TRMT61B: variants seen among roughly 807,000 people sequenced by gnomAD.
TRMT61B encodes the protein tRNA (adenine(58)-N(1))-methyltransferase, mitochondrial.
In TRMT61B, 56 loss-of-function variants were observed where a neutral mutation model predicts 52.0. That is an observed-to-expected ratio of 1.08 (90% CI 0.87 to 1.35). The LOEUF (loss-of-function observed/expected upper bound fraction) is 1.35, where lower values mean the gene tolerates loss of function less well. Among genes scored for constraint, TRMT61B ranks in the 40% most tolerant of loss-of-function variants. TRMT61B has a pLI of 0.00. For synonymous variants in TRMT61B, 206 were observed against 220.0 expected, an observed-to-expected ratio of 0.94 and a Z score of 0.56; for missense variants, 650 against 577.9, an observed-to-expected ratio of 1.12 and a Z score of -1.28.
chr2:28,850,304 A>G lies in TRMT61B; in HGVS notation c.1390+24T>C, dbSNP rs559818633. 3 of 1,603,870 alleles carry G rather than the reference A, an allele frequency of 1.9e-6. No homozygotes were observed. In the South Asian group the frequency reaches 3.3e-5, roughly 18 times the overall value. On this transcript the variant is annotated intron_variant, in intron 6 of 6. Coordinates refer to ENST00000306108, the MANE Select transcript of TRMT61B (RefSeq NM_017910.4). ...TAATTAAAAGAAAAAACACCATTTAATATGTTCTGAAAACATTACTCACCT... is the reference window on the plus strand; with the variant it reads ...TAATTAAAAGAAAAAACACCATTTAGTATGTTCTGAAAACATTACTCACCT...
At chr2:28,860,029 T>C (rs1669530306) in intron 3 of TRMT61B, among the ~76,000 whole-genome samples, 1 of 151,954 alleles carries the variant, frequency 6.6e-6, no homozygotes, top group Admixed American at 6.6e-5. Context: ...CCCAGCACTT[T>C]GGGAGACTGA....
chr2:28,861,048 C>G, intron 3 of TRMT61B, 70 bp downstream of exon 3: 2 of 1,335,166 alleles, frequency 1.5e-6, no homozygotes, highest in Non-Finnish European at 2.0e-6. Context: ...TTTGCCCATA[C>G]AAAAGAAGCC....
rs796665975 is a variant in TRMT61B at position 28,863,273 on chromosome 2, C to CG, written c.802+1743_802+1744insC. On this transcript the variant is annotated intron_variant, in intron 2 of 6. Transcript: ENST00000306108. ...CAGTGAGACCCAGTCTCTACAAAAA[C>CG]TTTAAAAATTAGCCAGCTTTGGTGG... 2.6e-5 allele frequency among the ~76,000 whole-genome samples: 4 copies of CG among 151,910 alleles called. No homozygotes were observed. The South Asian group carries it at 8.3e-4, about 32-fold the overall frequency.
chr2:28,861,112 A>G lies in TRMT61B; in HGVS notation c.993+6T>C. ...AATAACACAGGACCCACGTTAGAAAACTTACTGCGTCAAATGTTAAAGATT... is the reference window on the plus strand; with the variant it reads ...AATAACACAGGACCCACGTTAGAAAGCTTACTGCGTCAAATGTTAAAGATT... On this transcript the variant is annotated splice_donor_region_variant and intron_variant, in intron 3 of 6. Transcript: ENST00000306108. 6.3e-7 allele frequency: 1 copy of G among 1,590,180 alleles called. No homozygotes were observed. The highest frequency in any genetic ancestry group is 1.2e-5 in the South Asian group (1 of 86,428).
Position 28,866,301 on chromosome 2 carries a change from C to A in TRMT61B, c.700-1182G>T, listed in dbSNP as rs147106887. 4.1e-3 allele frequency among the ~76,000 whole-genome samples: 625 copies of A among 152,218 alleles called. 6 individuals are homozygous for A. The highest frequency in any genetic ancestry group is 0.014 in the African/African-American group (592 of 41,530). ...CCAACGTGCCTGGCCAAATGATGAA[C>A]TTCTAATTTAGAATTAAGATACTAT... On this transcript the variant is annotated intron_variant, in intron 1 of 6. Transcript: ENST00000306108.
intron 2 of TRMT61B, among the ~76,000 whole-genome samples, chr2:28,862,583 T>C (rs918386961): frequency 6.6e-6 from 1 of 151,656 alleles, no homozygotes; most frequent in African/African-American, 2.4e-5. Flanking sequence ...TCTGCCTGCC[T>C]CGGCCTCCCA....
intron 5 of TRMT61B, chr2:28,850,669 ATG>A: frequency 2.7e-6 from 1 of 374,678 alleles, no homozygotes; most frequent in Non-Finnish European, 4.7e-6. Flanking sequence ...GGCCTAAATA[ATG>A]TGTATATATG....
At chr2:28,852,589 G>A (rs1322773855) in intron 3 of TRMT61B, 90 bp from the exon 4 acceptor site, 3 of 804,192 alleles carry the variant, frequency 3.7e-6, no homozygotes, top group Non-Finnish European at 6.1e-6. Context: ...CACACTTTTG[G>A]ACAGCAATCA....
At position 28,870,244 on chromosome 2, in the gene TRMT61B, G is replaced by A. The variant is rs780085665; in HGVS notation, c.34C>T (p.Leu12=). Reference sequence around the variant, plus strand: ...GTTCCGAGCCCCTGCCGCAGGCACAGCAAGACAGGACCGCGGCACCATGCC... The same window carrying A: ...GTTCCGAGCCCCTGCCGCAGGCACAACAAGACAGGACCGCGGCACCATGCC... The part of the protein sequence containing the change: ...LMAWCRGPVL[L]CLRQGLGTNS... Residue 12 remains leucine (L), a synonymous_variant, in exon 1 of 7, where the codon CTG becomes TTG. Coordinates refer to ENST00000306108, the MANE Select transcript of TRMT61B (RefSeq NM_017910.4). 2.5e-6 allele frequency: 4 copies of A among 1,606,722 alleles called. No homozygotes were observed. Among genetic ancestry groups the A allele is most frequent in the Admixed American group, 1.7e-5 (1 of 59,042 alleles).
Position 28,869,699 on chromosome 2 carries a change from C to T in TRMT61B, c.579G>A (p.Val193=). 1.2e-6 allele frequency: 2 copies of T among 1,614,190 alleles called. No individual in the cohort carries two copies. The highest frequency in any genetic ancestry group is 8.5e-7 in the Non-Finnish European group (1 of 1,180,026). The change falls in exon 1 of 7, where the codon GTG becomes GTA. Residue 193 remains valine, a synonymous_variant. Coordinates refer to ENST00000306108, the MANE Select transcript of TRMT61B (RefSeq NM_017910.4). Reference sequence around the variant, plus strand: ...TCAGTATCTGGCCGGGGAACTTCCCCACGATCTTGCCGAACGGGACTGCCC... The same window carrying T: ...TCAGTATCTGGCCGGGGAACTTCCCTACGATCTTGCCGAACGGGACTGCCC... ...NWGAVPFGKI[V]GKFPGQILRS...
chr2:28,868,824 G>A (rs1669957631), intron 1 of TRMT61B, among the ~76,000 whole-genome samples: 1 of 152,204 alleles, frequency 6.6e-6, no homozygotes, highest in African/African-American at 2.4e-5. Context: ...ACCAGCCTGG[G>A]CAATAAGGCG....
At chr2:28,852,594 C>T in intron 3 of TRMT61B, 95 bp from the exon 4 acceptor site, 1 of 757,260 alleles carries the variant, frequency 1.3e-6, no homozygotes, top group Non-Finnish European at 2.2e-6. Flanking sequence ...TTTTGGACAG[C>T]AATCAAAGTA....
chr2:28,851,085 T>C lies in TRMT61B; in HGVS notation c.1299A>G (p.Gln433=), dbSNP rs1171098929. 1.2e-6 allele frequency: 2 copies of C among 1,605,272 alleles called. No homozygotes were observed. Among genetic ancestry groups the C allele is most frequent in the Non-Finnish European group, 1.7e-6 (2 of 1,176,682 alleles). ...ACTGAAGCTCACCATGGTCATCCTC[T>C]TGAAACAGCTCACCTTTAACTCCAA... ...EKIGVKGELF[Q]EDDHEESHSD... is the part of the protein sequence containing the mutation. Residue 433 remains glutamine (Q), a synonymous_variant, in exon 5 of 7, where the codon CAA becomes CAG. Transcript: ENST00000306108.
rs137955686 is a variant in TRMT61B, at chr2:28,853,601, C to T, written c.994-1102G>A. ...CCTATAATCCCAGCACTTTGGGAGC[C>T]CAGGCGGGTGGATCACCTGAGGTCA... is the stretch of plus-strand genomic sequence containing the variant. On this transcript the variant is annotated intron_variant, in intron 3 of 6. Coordinates refer to ENST00000306108, the MANE Select transcript of TRMT61B (RefSeq NM_017910.4). Among the ~76,000 whole-genome samples, 386 of 152,258 alleles carry T rather than the reference C, an allele frequency of 2.5e-3. 4 individuals carry two copies. The highest frequency in any genetic ancestry group is 8.8e-3 in the African/African-American group (364 of 41,556).
intron 3 of TRMT61B, among the ~76,000 whole-genome samples, chr2:28,856,511 T>C (rs903593549): frequency 6.6e-6 from 1 of 152,224 alleles, no homozygotes; most frequent in African/African-American, 2.4e-5. Flanking sequence ...TTCTTTATTA[T>C]CTAGCCCCTC....
At chr2:28,854,363 T>C (rs1669247079) in intron 3 of TRMT61B, among the ~76,000 whole-genome samples, 1 of 151,972 alleles carries the variant, frequency 6.6e-6, no homozygotes, top group Non-Finnish European at 1.5e-5. Context: ...TGCCAGCACT[T>C]TGGGAAGCCA....
chr2:28,851,154 T>C lies in TRMT61B; in HGVS notation c.1230A>G (p.Glu410=), dbSNP rs1212797556. The C allele has an allele frequency of 3.7e-6, 6 of 1,613,710 alleles. No individual in the cohort carries two copies. Among genetic ancestry groups the C allele is most frequent in the South Asian group, 1.1e-5 (1 of 90,978 alleles). Reference sequence around the variant, plus strand: ...GTTGTACATCTGTGTTGATTTTAGATTCTACTTTTTGAGCTAAAATTCCAT... The same window carrying C: ...GTTGTACATCTGTGTTGATTTTAGACTCTACTTTTTGAGCTAAAATTCCAT... The part of the protein sequence containing the change: ...QKNGILAQKV[E]SKINTDVQLD... The change falls in exon 5 of 7, where the codon GAA becomes GAG. Residue 410 remains glutamate (E), a synonymous_variant. Coordinates refer to ENST00000306108, the MANE Select transcript of TRMT61B (RefSeq NM_017910.4).
intron 3 of TRMT61B, 23 bp from the exon 4 acceptor site, chr2:28,852,522 T>A (rs765219310): frequency 1.3e-5 from 19 of 1,449,660 alleles, no homozygotes; most frequent in Non-Finnish European, 1.7e-5. Flanking sequence ...AAAAGAGAAC[T>A]GGATCAGTCT....
intron 4 of TRMT61B, among the ~76,000 whole-genome samples, chr2:28,851,730 T>G (rs1229453198): frequency 2.0e-5 from 3 of 150,280 alleles, no homozygotes; most frequent in Admixed American, 2.0e-4. Context: ...AATACAAAAA[T>G]TAGCCGGGTG....
Sources: gnomAD v4.1 joint callset for allele counts (sites outside exome capture counted in the v4.1 genomes callset) on GRCh38, gnomAD v4.1.1 for gene constraint, MANE v1.5 for transcripts, NCBI Gene and HGNC (gene_info 2026-07-23, HGNC 2026-07-21) for gene names.